VPS37A: variants seen among roughly 807,000 people sequenced by gnomAD.
The protein encoded by VPS37A is VPS37A subunit of ESCRT-I, also known as vacuolar protein sorting-associated protein 37A.
VPS37A carries 30 observed loss-of-function variants against 49.8 expected under a neutral mutation model. The ratio of observed to expected loss-of-function variants is 0.60; its 90% CI spans 0.45 to 0.82. The LOEUF (loss-of-function observed/expected upper bound fraction) is 0.82, where lower values mean the gene tolerates loss of function less well. Ranked by LOEUF, VPS37A falls within the 40% of genes least tolerant of loss-of-function variation. The pLI is 0.00. For synonymous variants in VPS37A, 195 were observed against 160.6 expected (o/e 1.21, Z -1.62); for missense variants, 593 against 464.4 (o/e 1.28, Z -2.55).
chr8:17,290,561 G>A lies in VPS37A; in HGVS notation c.*4134G>A, dbSNP rs183725409. On this transcript the variant is annotated intron_variant, in intron 11 of 11. Coordinates refer to ENST00000324849, the MANE Select transcript of VPS37A (RefSeq NM_152415.3). ...TCGTGGTGGATAAGCTTTTTAATGC[G>A]CTGCTGGATTCAGTTTGCCAGTACA... Among the ~76,000 whole-genome samples, 44 of 152,250 alleles carry A rather than the reference G, an allele frequency of 2.9e-4. No homozygotes were observed. The South Asian group carries it at 5.0e-3, about 17-fold the overall frequency.
At chr8:17,253,319 C>T (rs1812145784) in intron 1 of VPS37A, among the ~76,000 whole-genome samples, 1 of 152,180 alleles carries the variant, frequency 6.6e-6, no homozygotes, top group Admixed American at 6.5e-5. Flanking sequence ...TGCCTCCAGC[C>T]TTTTTCCCTC....
chr8:17,315,904 T>G, the VPS37A span, among the ~76,000 whole-genome samples: 1 of 152,088 alleles, frequency 6.6e-6, no homozygotes, highest in African/African-American at 2.4e-5. Context: ...TCCCAGCTAC[T>G]TGGGAGGCTG....
intron 10 of VPS37A, among the ~76,000 whole-genome samples, chr8:17,286,049 GA>G (rs1041928022): frequency 1.3e-5 from 2 of 152,174 alleles, no homozygotes; most frequent in African/African-American, 4.8e-5. Flanking sequence ...TGAGGGAGTG[GA>G]TTATGAGAAG....
chr8:17,260,609 G>C (rs942454226), intron 1 of VPS37A, among the ~76,000 whole-genome samples: 1 of 152,018 alleles, frequency 6.6e-6, no homozygotes, highest in Non-Finnish European at 1.5e-5. Context: ...TCAGACTGAT[G>C]AACTCCCTTT....
intron 1 of VPS37A, among the ~76,000 whole-genome samples, chr8:17,252,322 G>T (rs916020082): frequency 1.3e-5 from 2 of 151,746 alleles, no homozygotes; most frequent in Admixed American, 6.6e-5. Context: ...TGGCTCATAA[G>T]TTTAATTACT....
chr8:17,290,680 A>T (rs1816058455), intron 11 of VPS37A, among the ~76,000 whole-genome samples: 1 of 152,192 alleles, frequency 6.6e-6, no homozygotes, highest in Admixed American at 6.5e-5. Flanking sequence ...TATCAGGATG[A>T]TGCTGGCCTC....
At chr8:17,302,361 T>TA, downstream of VPS37A, 16 of 1,425,402 alleles carry the variant, frequency 1.1e-5, no homozygotes, top group Non-Finnish European at 1.4e-5. Flanking sequence ...AAGGTATCTA[T>TA]GATACCACAG....
chr8:17,279,480 A>G (rs1814832873), intron 6 of VPS37A, among the ~76,000 whole-genome samples: 1 of 152,172 alleles, frequency 6.6e-6, no homozygotes, highest in African/African-American at 2.4e-5. Flanking sequence ...AGTGTGTTCA[A>G]CATTATGCTT....
chr8:17,276,575 C>T, intron 6 of VPS37A, 108 bp downstream of exon 6: 9 of 1,099,356 alleles, frequency 8.2e-6, no homozygotes, highest in Non-Finnish European at 1.2e-5. Context: ...TTCACTAATC[C>T]TAAACAATAT....
downstream of VPS37A, chr8:17,301,903 T>C: frequency 4.5e-6 from 2 of 442,060 alleles, no homozygotes; most frequent in Admixed American, 4.1e-5. Context: ...ACCAAACAAG[T>C]TGACCTAAAA....
chr8:17,259,068 G>C (rs1191255844), intron 1 of VPS37A, among the ~76,000 whole-genome samples: 1 of 151,656 alleles, frequency 6.6e-6, no homozygotes, highest in African/African-American at 2.4e-5. Context: ...TTGATCTTTT[G>C]TATTTTTGGT....
chr8:17,331,140 A>T, the VPS37A span: 1 of 1,609,278 alleles, frequency 6.2e-7, no homozygotes, highest in South Asian at 1.1e-5. Context: ...TGCATAAGGA[A>T]ATGGTTTACC....
chr8:17,280,463 T>A lies in VPS37A; in HGVS notation c.969+20T>A. On this transcript the variant is annotated intron_variant, in intron 9 of 11. Coordinates refer to ENST00000324849, the MANE Select transcript of VPS37A (RefSeq NM_152415.3). ...AGTGAGGTAAGACTGTTTATTTTTT[T>A]CCCTTTGCCATAGATTTTTTTTTTA... 1.3e-6 allele frequency: 2 copies of A among 1,576,574 alleles called. No homozygotes were observed. Among genetic ancestry groups the A allele is most frequent in the Non-Finnish European group, 8.6e-7 (1 of 1,169,532 alleles).
At chr8:17,312,572 C>T in the VPS37A span, among the ~76,000 whole-genome samples, 1 of 63,304 alleles carries the variant, frequency 1.6e-5, no homozygotes, top group African/African-American at 6.1e-5. Flanking sequence ...GAGACTCCCT[C>T]TCAAAAAAAA....
intron 10 of VPS37A, 95 bp downstream of exon 10, chr8:17,284,711 A>G (rs943923964): frequency 1.5e-6 from 2 of 1,369,750 alleles, no homozygotes; most frequent in African/African-American, 1.5e-5. Context: ...TTTCTCTATT[A>G]TGATATCATC....
the VPS37A span, among the ~76,000 whole-genome samples, chr8:17,315,936 C>A: frequency 6.6e-6 from 1 of 152,144 alleles, no homozygotes; most frequent in Non-Finnish European, 1.5e-5. Flanking sequence ...TCACTTCAAC[C>A]CAGGAGTTTG....
rs900629280 is a variant in VPS37A, at chr8:17,296,603, C to T, written c.*1617C>T. Reference sequence around the variant, plus strand: ...CCCATAACAAGGGAGGAGCATACCACAGCCCCTCATTTGATTAATTCATTT... The same window carrying T: ...CCCATAACAAGGGAGGAGCATACCATAGCCCCTCATTTGATTAATTCATTT... On this transcript the variant is annotated 3_prime_UTR_variant, in exon 12 of 12. Coordinates refer to ENST00000324849, the MANE Select transcript of VPS37A (RefSeq NM_152415.3). The T allele has an allele frequency of 5.3e-5, 8 of 152,132 alleles. No homozygotes were observed. Among genetic ancestry groups the T allele is most frequent in the Non-Finnish European group, 1.0e-4 (7 of 68,024 alleles). 9.4% of individuals were successfully genotyped at this position (152,132 alleles called of 1,614,324 possible).
intron 1 of VPS37A, chr8:17,247,669 C>G (rs1353846947): frequency 2.8e-6 from 2 of 703,514 alleles, no homozygotes; most frequent in East Asian, 5.4e-5. Flanking sequence ...TTTCCAGTAT[C>G]CCTTGCTGCC....
the VPS37A span, among the ~76,000 whole-genome samples, chr8:17,316,464 TAAA>T: frequency 0.16 from 23,520 of 143,446 alleles, 2,119 homozygotes; most frequent in East Asian, 0.3. Context: ...AACAGTACAG[TAAA>T]AAAAAAAAAA....
Sources: gnomAD v4.1 joint callset for allele counts (sites outside exome capture counted in the v4.1 genomes callset) on GRCh38, gnomAD v4.1.1 for gene constraint, MANE v1.5 for transcripts, NCBI Gene and HGNC (gene_info 2026-07-23, HGNC 2026-07-21) for gene names.